HLA-DPB1: variants seen among roughly 807,000 people sequenced by gnomAD.
HLA-DPB1 encodes the protein major histocompatibility complex, class II, DP beta 1, also known as HLA class II histocompatibility antigen, DP beta 1 chain.
A neutral mutation model predicts 29.4 loss-of-function variants in HLA-DPB1; 30 were observed. That is an observed-to-expected ratio of 1.02 (90% CI 0.76 to 1.38). The LOEUF is 1.38. Ranked by LOEUF, HLA-DPB1 falls within the 40% of genes most tolerant of loss-of-function variation. The probability of loss-of-function intolerance (pLI) is 0.00; values close to 1 mark genes in which losing one functional copy is unlikely to be tolerated. For missense variants in HLA-DPB1, 261 were observed against 327.5 expected (o/e 0.80, Z 1.57); for synonymous variants, 114 against 134.0 (o/e 0.85, Z 1.03).
chr6:33,077,199 T>A (rs1762586515), intron 1 of HLA-DPB1, among the ~76,000 whole-genome samples: 1 of 151,852 alleles, frequency 6.6e-6, no homozygotes, highest in African/African-American at 2.4e-5. Flanking sequence ...AATAGTTTGC[T>A]GTGAATGATG....
rs1046580250 is a variant in HLA-DPB1 at position 33,089,226 on chromosome 6, C to A, written c.*2692C>A. 3.9e-5 allele frequency among the ~76,000 whole-genome samples: 6 copies of A among 152,158 alleles called. No homozygotes were observed. On this transcript the variant is annotated 3_prime_UTR_variant, in exon 6 of 6. Coordinates refer to ENST00000418931, the MANE Select transcript of HLA-DPB1 (RefSeq NM_002121.6). ...TTGAGCATGTTGCATTGTAAACTGT[C>A]CCTGAAATTACTGTGCACTTGGCTT... is the stretch of plus-strand genomic sequence containing the variant.
chr6:33,083,211 A>G (rs1302476806), intron 2 of HLA-DPB1, among the ~76,000 whole-genome samples: 1 of 152,212 alleles, frequency 6.6e-6, no homozygotes. Flanking sequence ...GCAAAAATAC[A>G]ATAGGGAGTA....
intron 1 of HLA-DPB1, among the ~76,000 whole-genome samples, chr6:33,078,197 G>T (rs1434249564): frequency 1.3e-5 from 2 of 152,146 alleles, no homozygotes; most frequent in African/African-American, 2.4e-5. Flanking sequence ...ACGGGCAAAG[G>T]CTGGGTTGAG....
chr6:33,083,019 G>A lies in HLA-DPB1; in HGVS notation c.365-1931G>A, dbSNP rs115021882. Among the ~76,000 whole-genome samples the A allele has an allele frequency of 4.1e-3, 626 of 152,318 alleles. 4 individuals carry two copies. The highest frequency in any genetic ancestry group is 7.2e-3 in the Non-Finnish European group (493 of 68,034). On this transcript the variant is annotated intron_variant, in intron 2 of 5. Transcript: ENST00000418931. ...ACCCAAGTATTCCCCCTGATTTCAT[G>A]GTTCCCAGAAGCTCTATGGGGAAGA...
At chr6:33,076,386 T>C (rs999901005) in intron 1 of HLA-DPB1, among the ~76,000 whole-genome samples, 4 of 152,258 alleles carry the variant, frequency 2.6e-5, no homozygotes, top group Admixed American at 6.5e-5. Context: ...TCAGTGTCTT[T>C]GGGGAAAATG....
rs898737111 is a variant in HLA-DPB1 at position 33,087,919 on chromosome 6, T to C, written c.*1385T>C. Reference sequence around the variant, plus strand: ...TAACCTAGGGAATAGGACACAATCATTTTTTCTTTTTAAAACATCTTTATC... The same window carrying C: ...TAACCTAGGGAATAGGACACAATCACTTTTTCTTTTTAAAACATCTTTATC... On this transcript the variant is annotated 3_prime_UTR_variant, in exon 6 of 6. Coordinates refer to ENST00000418931, the MANE Select transcript of HLA-DPB1 (RefSeq NM_002121.6). Among the ~76,000 whole-genome samples, 1 of 147,516 alleles carries C rather than the reference T, an allele frequency of 6.8e-6. No individual in the cohort carries two copies. Among genetic ancestry groups the C allele is most frequent in the Non-Finnish European group, 1.5e-5 (1 of 67,768 alleles).
chr6:33,086,110 A>G (rs9277485), intron 4 of HLA-DPB1, 109 bp from the exon 5 acceptor site: 265,931 of 1,008,828 alleles, frequency 0.26, 44,856 homozygotes, highest in East Asian at 0.59. Flanking sequence ...GCTCCTGCGG[A>G]GCGTCCATTG....
At chr6:33,081,392 G>C (rs1421838788) in intron 2 of HLA-DPB1, among the ~76,000 whole-genome samples, 1 of 152,064 alleles carries the variant, frequency 6.6e-6, no homozygotes, top group Admixed American at 6.5e-5. Flanking sequence ...AGATACATGA[G>C]ACCATCCAGG....
At position 33,085,027 on chromosome 6, in the gene HLA-DPB1, G is replaced by T; in HGVS notation, c.442G>T (p.Asp148Tyr). ...CAACCTGCTTGTCTGCCACGTGACG[G>T]ATTTCTACCCAGGCAGCATTCAAGT... Reference protein sequence around the residue: ...HHNLLVCHVTDFYPGSIQVRW... With the variant: ...HHNLLVCHVTYFYPGSIQVRW... Residue 148 changes from aspartate to tyrosine, a missense_variant, in exon 3 of 6, where the codon GAT (aspartate) becomes TAT (tyrosine). Physicochemically the swap from Asp to Tyr is radical, Grantham distance 160. Coordinates refer to ENST00000418931, the MANE Select transcript of HLA-DPB1 (RefSeq NM_002121.6). The T allele has an allele frequency of 1.2e-6, 2 of 1,613,412 alleles. No homozygotes were observed. Among genetic ancestry groups the T allele is most frequent in the Non-Finnish European group, 1.7e-6 (2 of 1,179,922 alleles).
intron 2 of HLA-DPB1, chr6:33,084,105 C>A (rs1762989584): frequency 7.6e-6 from 1 of 131,128 alleles, no homozygotes; most frequent in Non-Finnish European, 1.6e-5. Context: ...TCTTCATTTT[C>A]TTTGTATTTT....
At chr6:33,082,305 C>A (rs1239433053) in intron 2 of HLA-DPB1, among the ~76,000 whole-genome samples, 1 of 152,084 alleles carries the variant, frequency 6.6e-6, no homozygotes, top group East Asian at 1.9e-4. Flanking sequence ...TTGCAGACAG[C>A]CCTGATGCCA....
In HLA-DPB1 at chr6:33,085,717, C is replaced by A. The variant is rs965382705; in HGVS notation, c.647-62C>A. 7.3e-6 allele frequency: 8 copies of A among 1,092,894 alleles called. No homozygotes were observed. In the African/African-American group the frequency reaches 9.4e-5, roughly 13 times the overall value. The allele number at this position is 1,092,894 out of a possible 1,614,324, so 67.7% of individuals were successfully genotyped here. On this transcript the variant is annotated intron_variant, in intron 3 of 5. Transcript: ENST00000418931. ...CTGCATCAGGCTCCAGAATCTCAGA[C>A]AGGACATGAGTAGGGATGCAGCTGG... is the stretch of plus-strand genomic sequence containing the variant.
chr6:33,085,575 C>T (rs9277464), intron 3 of HLA-DPB1, among the ~76,000 whole-genome samples: 38,392 of 152,056 alleles, frequency 0.25, 5,264 homozygotes, highest in East Asian at 0.63. Context: ...AGGCAACTTC[C>T]AGAATCAGCA....
Position 33,080,903 on chromosome 6 carries a change from A to G in HLA-DPB1, c.332A>G (p.Glu111Gly). 41 of 1,606,168 alleles carry G rather than the reference A, an allele frequency of 2.6e-5. No homozygotes were observed. The highest frequency in any genetic ancestry group is 1.7e-4 in the Middle Eastern group (1 of 6,038). ...GACAGGATGTGCAGACACAACTACGAGCTGGGCGGGCCCATGACCCTGCAG... is the reference window on the plus strand; with the variant it reads ...GACAGGATGTGCAGACACAACTACGGGCTGGGCGGGCCCATGACCCTGCAG... ...VPDRMCRHNY[E>G]LGGPMTLQRR... Residue 111 changes from glutamate to glycine, a missense_variant, in exon 2 of 6, where the codon GAG (glutamate) becomes GGG (glycine). Transcript: ENST00000418931. The surrounding 1 kb of genome is among the most constrained non-coding windows in gnomAD (Gnocchi z 4.3).
Position 33,086,719 on chromosome 6 carries a change from G to T in HLA-DPB1, c.*185G>T. ...TTCAAAGCACTGTTTCTCTCACTGGGCCTCCAACCATGTTCCCTTCTTCTT... is the reference window on the plus strand; with the variant it reads ...TTCAAAGCACTGTTTCTCTCACTGGTCCTCCAACCATGTTCCCTTCTTCTT... On this transcript the variant is annotated 3_prime_UTR_variant, in exon 6 of 6. Transcript: ENST00000418931. 2.4e-6 allele frequency: 1 copy of T among 419,378 alleles called. No individual in the cohort carries two copies. Among genetic ancestry groups the T allele is most frequent in the Non-Finnish European group, 4.9e-6 (1 of 204,460 alleles). The allele number at this position is 419,378 out of a possible 1,614,324, so 26.0% of individuals were successfully genotyped here.
Position 33,085,008 on chromosome 6 carries a change from GC to G in HLA-DPB1, c.424del (p.Val143SerfsTer4). 1 of 1,612,190 alleles carries G rather than the reference GC, an allele frequency of 6.2e-7. No individual in the cohort carries two copies. The highest frequency in any genetic ancestry group is 8.5e-7 in the Non-Finnish European group (1 of 1,178,984). On this transcript the variant is annotated frameshift_variant, in exon 3 of 6. Coordinates refer to ENST00000418931, the MANE Select transcript of HLA-DPB1 (RefSeq NM_002121.6). LOFTEE classifies it high-confidence loss of function. ...AGGGGCCCTTGCAGCACCACAACCTGCTTGTCTGCCACGTGACGGATTTCTA... is the reference window on the plus strand; with the variant it reads ...AGGGGCCCTTGCAGCACCACAACCTGTTGTCTGCCACGTGACGGATTTCTA... ...KKGPLQHHNL[L>X]VCHVTDFYPG...
intron 1 of HLA-DPB1, among the ~76,000 whole-genome samples, chr6:33,077,180 T>G (rs1471396946): frequency 6.6e-6 from 1 of 151,444 alleles, no homozygotes; most frequent in African/African-American, 2.4e-5. Flanking sequence ...TTTGGTTTTT[T>G]GTCCTTGCAA....
Position 33,076,150 on chromosome 6 carries a change from C to T in HLA-DPB1, c.100+9C>T, listed in dbSNP as rs564626925. 219 of 1,577,786 alleles carry T rather than the reference C, an allele frequency of 1.4e-4. No homozygotes were observed. Among genetic ancestry groups the T allele is most frequent in the Non-Finnish European group, 1.6e-4 (188 of 1,151,854 alleles). ...GGGCAGGGCCACTCCAGGTAAGAGC[C>T]GAACTGCCATTCTTGGAGGGTCTGG... is the stretch of plus-strand genomic sequence containing the variant. On this transcript the variant is annotated intron_variant, in intron 1 of 5. Coordinates refer to ENST00000418931, the MANE Select transcript of HLA-DPB1 (RefSeq NM_002121.6).
At position 33,080,914 on chromosome 6, in the gene HLA-DPB1, C is replaced by T; in HGVS notation, c.343C>T (p.Pro115Ser). 1 of 1,601,150 alleles carries T rather than the reference C, an allele frequency of 6.2e-7. No homozygotes were observed. Among genetic ancestry groups the T allele is most frequent in the Non-Finnish European group, 8.5e-7 (1 of 1,174,304 alleles). Reference protein sequence around the residue: ...MCRHNYELGGPMTLQRRVQPR... With the variant: ...MCRHNYELGGSMTLQRRVQPR... ...CAGACACAACTACGAGCTGGGCGGG[C>T]CCATGACCCTGCAGCGCCGAGGTGA... Residue 115 changes from proline to serine, a missense_variant, in exon 2 of 6, where the codon CCC (proline) becomes TCC (serine). Pro to Ser is a moderately conservative substitution (Grantham distance 74). Coordinates refer to ENST00000418931, the MANE Select transcript of HLA-DPB1 (RefSeq NM_002121.6). The surrounding 1 kb of genome is among the most constrained non-coding windows in gnomAD (Gnocchi z 4.3).
Sources: gnomAD v4.1 joint callset for allele counts (sites outside exome capture counted in the v4.1 genomes callset) on GRCh38, gnomAD v4.1.1 for gene constraint, Gnocchi (gnomAD v3.1) non-coding constraint, MANE v1.5 for transcripts, NCBI Gene and HGNC (gene_info 2026-07-23, HGNC 2026-07-21) for gene names.